RNF4: variants seen among roughly 807,000 people sequenced by gnomAD.
RNF4 encodes ring finger protein 4, also known as E3 ubiquitin-protein ligase RNF4.
In RNF4, 7 loss-of-function variants were observed where a neutral mutation model predicts 24.3. The observed-to-expected ratio is 0.29, with a 90% CI of 0.16 to 0.54. RNF4 has a LOEUF of 0.54. Among genes scored for constraint, RNF4 ranks in the 20% least tolerant of loss-of-function variants. The pLI is 0.95. For missense variants in RNF4, 209 were observed against 248.5 expected (o/e 0.84, Z 1.07); for synonymous variants, 83 against 84.3 (o/e 0.98, Z 0.09).
chr4:2,499,225 A>C (rs1735836952), intron 3 of RNF4: 1 of 427,058 alleles, frequency 2.3e-6, no homozygotes, highest in African/African-American at 2.1e-5. Context: ...GCATTACAAG[A>C]CACTTTCCCC....
chr4:2,513,745 C>T lies in RNF4; in HGVS notation c.499C>T (p.Leu167=). The change falls in exon 8 of 8, where the codon CTG becomes TTG. Residue 167 remains leucine, a synonymous_variant. Coordinates refer to ENST00000314289, the MANE Select transcript of RNF4 (RefSeq NM_002938.5). ...VFCSQCLRDS[L]KNANTCPTCR... ...CTGTAGCCAGTGCCTCCGTGATTCC[C>T]TGAAGAATGCTAATACTTGCCCAAC... is the stretch of plus-strand genomic sequence containing the variant. The T allele has an allele frequency of 6.2e-7, 1 of 1,613,952 alleles. No homozygotes were observed. The highest frequency in any genetic ancestry group is 1.3e-5 in the African/African-American group (1 of 75,030).
At chr4:2,504,370 GCCACTTTTA>G (rs1285374228) in intron 4 of RNF4, among the ~76,000 whole-genome samples, 1 of 152,126 alleles carries the variant, frequency 6.6e-6, no homozygotes, top group East Asian at 1.9e-4. Context: ...CATCCTCATG[GCCACTTTTA>G]ATTTTAGCCA....
intron 1 of RNF4, among the ~76,000 whole-genome samples, chr4:2,482,461 C>G (rs1221295559): frequency 1.3e-5 from 2 of 152,230 alleles, no homozygotes; most frequent in Non-Finnish European, 2.9e-5. Flanking sequence ...TGAGGTACAT[C>G]TGCCCCTCGG....
At chr4:2,488,022 C>G (rs141640314) in intron 1 of RNF4, among the ~76,000 whole-genome samples, 1 of 152,200 alleles carries the variant, frequency 6.6e-6, no homozygotes. Flanking sequence ...CACTTAGTTC[C>G]TAACTTCGTT....
intron 4 of RNF4, among the ~76,000 whole-genome samples, chr4:2,501,206 C>A (rs545124205): frequency 2.0e-5 from 3 of 152,252 alleles, no homozygotes; most frequent in African/African-American, 4.8e-5. Context: ...AGACATCTTA[C>A]AACAGATGCC....
chr4:2,491,290 G>T (rs1735572209), intron 2 of RNF4, among the ~76,000 whole-genome samples: 1 of 152,204 alleles, frequency 6.6e-6, no homozygotes, highest in South Asian at 2.1e-4. Context: ...AGCCTGGAGT[G>T]CAGTGGCCCG....
At chr4:2,476,159 A>G (rs185426401) in intron 1 of RNF4, among the ~76,000 whole-genome samples, 4 of 152,222 alleles carry the variant, frequency 2.6e-5, no homozygotes, top group Admixed American at 2.6e-4. Context: ...GGGCCTAGGC[A>G]TTTCCCTGTC....
At chr4:2,490,305 G>A (rs1285991738) in intron 1 of RNF4, 32 bp from the exon 2 acceptor site, 1 of 590,606 alleles carries the variant, frequency 1.7e-6, no homozygotes, top group African/African-American at 1.9e-5. Flanking sequence ...GTAAGTGGCA[G>A]TATTTATCAA....
intron 4 of RNF4, among the ~76,000 whole-genome samples, chr4:2,507,180 G>C (rs1736128659): frequency 6.7e-6 from 1 of 150,094 alleles, no homozygotes; most frequent in Non-Finnish European, 1.5e-5. Context: ...CTTGATAAAG[G>C]CTTTTCTGGA....
At chr4:2,484,551 A>G (rs554971204) in intron 1 of RNF4, among the ~76,000 whole-genome samples, 74 of 152,192 alleles carry the variant, frequency 4.9e-4, no homozygotes, top group Non-Finnish European at 9.1e-4. Context: ...TTGTACGTCA[A>G]GGAGCATCTG....
chr4:2,475,724 A>G (rs1203037942), intron 1 of RNF4, among the ~76,000 whole-genome samples: 1 of 152,108 alleles, frequency 6.6e-6, no homozygotes, highest in African/African-American at 2.4e-5. Context: ...CTCATGATTT[A>G]ATATCTATGG....
chr4:2,497,014 G>A lies in RNF4; in HGVS notation c.17G>A (p.Arg6His), dbSNP rs749313483. The change falls in exon 3 of 8, where the codon CGT (arginine) becomes CAT (histidine). Residue 6 changes from arginine to histidine, a missense_variant. Arg to His is a conservative substitution (Grantham distance 29). Coordinates refer to ENST00000314289, the MANE Select transcript of RNF4 (RefSeq NM_002938.5). ...TTCCCCCTTGCTACTCAGAGAAAGC[G>A]TCGTGGTGGAGCAATAAATTCTAGA... Reference protein sequence around the residue: MSTRKRRGGAINSRQA... With the variant: MSTRKHRGGAINSRQA... The A allele has an allele frequency of 2.8e-5, 45 of 1,599,486 alleles. No individual in the cohort carries two copies. Among genetic ancestry groups the A allele is most frequent in the Middle Eastern group, 1.6e-4 (1 of 6,070 alleles).
chr4:2,509,451 C>G (rs974599579), intron 4 of RNF4, among the ~76,000 whole-genome samples: 1 of 152,138 alleles, frequency 6.6e-6, no homozygotes, highest in Non-Finnish European at 1.5e-5. Context: ...CTCCTGACCT[C>G]GAGTGATCCG....
rs193025550 is a variant in RNF4 at position 2,494,094 on chromosome 4, G to A, written c.10-2913G>A. On this transcript the variant is annotated intron_variant, in intron 2 of 7. Coordinates refer to ENST00000314289, the MANE Select transcript of RNF4 (RefSeq NM_002938.5). ...CTGACCTCGTGATCCACGAGAATGG[G>A]GTAAATATTAAAGAGTCCTAAGTGT... Among the ~76,000 whole-genome samples, 175 of 152,200 alleles carry A rather than the reference G, an allele frequency of 1.1e-3. 1 individual carries two copies. In the East Asian group the frequency reaches 0.029, roughly 25 times the overall value.
rs1736348435 is a variant in RNF4, at chr4:2,514,175, A to G, written c.*356A>G. 1 of 257,340 alleles carries G rather than the reference A, an allele frequency of 3.9e-6. No homozygotes were observed. The highest frequency in any genetic ancestry group is 4.6e-5 in the Admixed American group (1 of 21,578). 15.9% of individuals were successfully genotyped at this position (257,340 alleles called of 1,614,324 possible). ...TTGCCCCAGCTTTCCCGGGCACACC[A>G]CCTTTTGTCCCAAGTGTCTGCCGGT... On this transcript the variant is annotated 3_prime_UTR_variant, in exon 8 of 8. Coordinates refer to ENST00000314289, the MANE Select transcript of RNF4 (RefSeq NM_002938.5).
chr4:2,487,412 C>G (rs747866658), intron 1 of RNF4, among the ~76,000 whole-genome samples: 1 of 152,106 alleles, frequency 6.6e-6, no homozygotes, highest in African/African-American at 2.4e-5. Flanking sequence ...TAGCCTCCTA[C>G]GTAGCTGGGA....
At chr4:2,487,579 C>G (rs1466395086) in intron 1 of RNF4, among the ~76,000 whole-genome samples, 1 of 152,182 alleles carries the variant, frequency 6.6e-6, no homozygotes, top group East Asian at 1.9e-4. Flanking sequence ...AGCCACTGCC[C>G]AGCCTCATTA....
chr4:2,510,362 C>T (rs1370107323), intron 4 of RNF4, among the ~76,000 whole-genome samples: 1 of 152,164 alleles, frequency 6.6e-6, no homozygotes, highest in Non-Finnish European at 1.5e-5. Context: ...TGTGTCTGCT[C>T]CATGAAGAAG....
chr4:2,504,432 G>A (rs1040886102), intron 4 of RNF4, among the ~76,000 whole-genome samples: 3 of 151,898 alleles, frequency 2.0e-5, no homozygotes, highest in African/African-American at 4.8e-5. Context: ...GTTTTAATTT[G>A]TGCTTTTTTA....
Sources: allele counts gnomAD v4.1 joint callset (sites outside exome capture counted in the v4.1 genomes callset), GRCh38; gene constraint gnomAD v4.1.1; transcripts MANE v1.5; gene names NCBI Gene and HGNC (gene_info 2026-07-23, HGNC 2026-07-21).